Variants in MYBPC1 observed in about 807,000 individuals in gnomAD.
MYBPC1 encodes myosin-binding protein C, slow-type.
In MYBPC1, 52 loss-of-function variants were observed where a neutral mutation model predicts 147.1. The ratio of observed to expected loss-of-function variants is 0.35; its 90% CI spans 0.28 to 0.45. The LOEUF (loss-of-function observed/expected upper bound fraction) is 0.45, where lower values mean the gene tolerates loss of function less well. Ranked by LOEUF, MYBPC1 falls within the 20% of genes least tolerant of loss-of-function variation. MYBPC1 has a pLI of 1.00. For synonymous variants in MYBPC1, 477 were observed against 475.9 expected, an observed-to-expected ratio of 1.00 and a Z score of -0.03; for missense variants, 1,228 against 1,440.3, an observed-to-expected ratio of 0.85 and a Z score of 2.39.
rs11110941 is a variant in MYBPC1 at position 101,661,101 on chromosome 12, T to C, written c.1928-57T>C. On this transcript the variant is annotated intron_variant, in intron 19 of 31. Transcript: ENST00000361466. ...CAAGAAACATATTTTCCTATTAACT[T>C]TTTTTTTCTACTCCCTCTTCCTTAT... 0.033 allele frequency: 38,586 copies of C among 1,154,358 alleles called. 2,328 individuals carry two copies. Among genetic ancestry groups the C allele is most frequent in the East Asian group, 0.25 (10,656 of 41,846 alleles). The allele number at this position is 1,154,358 out of a possible 1,614,324, so 71.5% of individuals were successfully genotyped here. A position where few individuals can be genotyped will look rare whatever the true frequency, so the allele number is the denominator to read the frequency against.
intron 9 of MYBPC1, among the ~76,000 whole-genome samples, chr12:101,636,162 C>T (rs1312043109): frequency 6.6e-6 from 1 of 152,046 alleles, no homozygotes; most frequent in Non-Finnish European, 1.5e-5. Context: ...ATGTTAGTAT[C>T]ACATTATCTG....
chr12:101,656,133 G>A (rs918700930), intron 18 of MYBPC1, among the ~76,000 whole-genome samples: 2 of 151,984 alleles, frequency 1.3e-5, no homozygotes, highest in African/African-American at 4.8e-5. Flanking sequence ...TGGGTTAATT[G>A]TAAATATATA....
intron 9 of MYBPC1, among the ~76,000 whole-genome samples, chr12:101,635,064 C>A (rs908333682): frequency 6.6e-6 from 1 of 152,132 alleles, no homozygotes; most frequent in Non-Finnish European, 1.5e-5. Flanking sequence ...TAGCTACTTA[C>A]TGAAGTTAGT....
chr12:101,617,793 T>C (rs1277707132), intron 3 of MYBPC1, among the ~76,000 whole-genome samples: 4 of 152,332 alleles, frequency 2.6e-5, no homozygotes, highest in African/African-American at 9.6e-5. Flanking sequence ...TGTAATATTA[T>C]CCTATTTTTA....
intron 1 of MYBPC1, among the ~76,000 whole-genome samples, chr12:101,609,440 C>A (rs2135721603): frequency 6.6e-6 from 1 of 151,668 alleles, no homozygotes; most frequent in African/African-American, 2.4e-5. Context: ...TTGGGAAGCA[C>A]CAGCTAATGT....
chr12:101,695,331 C>T, the MYBPC1 span, among the ~76,000 whole-genome samples: 2 of 152,332 alleles, frequency 1.3e-5, no homozygotes, highest in African/African-American at 4.8e-5. Context: ...AGCAGGGATA[C>T]ACTGGACAAA....
chr12:101,677,651 C>A (rs1204071086), intron 27 of MYBPC1, among the ~76,000 whole-genome samples: 8 of 152,110 alleles, frequency 5.3e-5, no homozygotes, highest in Non-Finnish European at 8.8e-5. Context: ...GGCTAATACC[C>A]CAGAGGCTGG....
At chr12:101,690,000 A>C (rs9668831), downstream of MYBPC1, among the ~76,000 whole-genome samples, 85,731 of 151,874 alleles carry the variant, frequency 0.56, 25,084 homozygotes, top group Non-Finnish European at 0.64. Flanking sequence ...CATGGCGAAA[A>C]CCCGTCTCTA....
chr12:101,652,557 T>TCTCC (rs571374055), intron 16 of MYBPC1, 121 bp from the exon 17 acceptor site: 1 of 718,146 alleles, frequency 1.4e-6, no homozygotes. Context: ...TCTCTCTCTC[T>TCTCC]CTCCCTCTCT....
chr12:101,606,884 G>A (rs1313463504), intron 1 of MYBPC1, among the ~76,000 whole-genome samples: 2 of 152,016 alleles, frequency 1.3e-5, no homozygotes, highest in Non-Finnish European at 1.5e-5. Flanking sequence ...GAGTGCAGTG[G>A]TGCAATCTTG....
chr12:101,666,296 G>A (rs746609341), intron 22 of MYBPC1: 12 of 199,216 alleles, frequency 6.0e-5, no homozygotes, highest in Non-Finnish European at 9.4e-5. Context: ...TGGGAGCACC[G>A]TGTTCCCTGG....
chr12:101,653,871 T>A (rs191694219), intron 18 of MYBPC1, among the ~76,000 whole-genome samples: 2 of 129,396 alleles, frequency 1.5e-5, no homozygotes, highest in East Asian at 4.5e-4. Context: ...CGTGGCTTTC[T>A]ACAAAAATAA....
Position 101,632,029 on chromosome 12 carries a change from A to G in MYBPC1, c.447A>G (p.Thr149=), listed in dbSNP as rs750982473. 1.9e-6 allele frequency: 3 copies of G among 1,610,824 alleles called. No individual in the cohort carries two copies. The highest frequency in any genetic ancestry group is 2.2e-5 in the South Asian group (2 of 91,014). The change falls in exon 8 of 32, where the codon ACA becomes ACG. Residue 149 remains threonine, a synonymous_variant. Coordinates refer to ENST00000361466, the MANE Select transcript of MYBPC1 (RefSeq NM_002465.4). ...GATGCATTTCATTGCAGGTGTACACATTTGAGATGCAGATCATCAAGGCCA... is the reference window on the plus strand; with the variant it reads ...GATGCATTTCATTGCAGGTGTACACGTTTGAGATGCAGATCATCAAGGCCA... ...ETFERHSRVY[T]FEMQIIKAKD... is the part of the protein sequence containing the mutation.
chr12:101,617,497 T>C (rs542733760), intron 3 of MYBPC1, among the ~76,000 whole-genome samples: 1 of 152,206 alleles, frequency 6.6e-6, no homozygotes, highest in African/African-American at 2.4e-5. Flanking sequence ...AGCAAATTAA[T>C]TGGTAGTTTC....
chr12:101,615,725 A>T (rs6539001), intron 2 of MYBPC1, among the ~76,000 whole-genome samples: 30,438 of 128,630 alleles, frequency 0.24, 4,560 homozygotes, highest in African/African-American at 0.46. Flanking sequence ...TAAACTGGCA[A>T]TGTGTTATGA....
At chr12:101,626,741 T>A (rs1888694127) in intron 3 of MYBPC1, 131 bp from the exon 4 acceptor site, 1 of 812,430 alleles carries the variant, frequency 1.2e-6, no homozygotes, top group African/African-American at 1.7e-5. Flanking sequence ...GTACCAAGTT[T>A]TCTAAGGCTT....
chr12:101,600,061 T>C (rs1593572713), intron 1 of MYBPC1, among the ~76,000 whole-genome samples: 1 of 144,376 alleles, frequency 6.9e-6, no homozygotes, highest in Non-Finnish European at 1.5e-5. Context: ...TAAAAAGACT[T>C]TGGAAAAACA....
intron 5 of MYBPC1, chr12:101,628,234 T>C (rs1313240525): frequency 1.1e-5 from 3 of 262,250 alleles, no homozygotes; most frequent in Non-Finnish European, 2.3e-5. Context: ...ACTGAGGACC[T>C]AATATGATCC....
chr12:101,682,012 T>C (rs1490845840), intron 29 of MYBPC1, among the ~76,000 whole-genome samples: 1 of 152,098 alleles, frequency 6.6e-6, no homozygotes, highest in Non-Finnish European at 1.5e-5. Context: ...ATATAAGGCA[T>C]ATAATATTCT....
Sources: allele counts gnomAD v4.1 joint callset (sites outside exome capture counted in the v4.1 genomes callset), GRCh38; gene constraint gnomAD v4.1.1; transcripts MANE v1.5; gene names NCBI Gene and HGNC (gene_info 2026-07-23, HGNC 2026-07-21).